YLPM1: variants seen among roughly 807,000 people sequenced by gnomAD.
YLPM1 encodes YLP motif-containing protein 1.
A neutral mutation model predicts 230.0 loss-of-function variants in YLPM1; 99 were observed. The ratio of observed to expected loss-of-function variants is 0.43; its 90% CI spans 0.37 to 0.51. YLPM1 has a LOEUF of 0.51. Ranked by LOEUF, YLPM1 falls within the 20% of genes least tolerant of loss-of-function variation. YLPM1 has a pLI of 0.00. For missense variants in YLPM1, 2,592 were observed against 2,707.7 expected (o/e 0.96, Z 0.95); for synonymous variants, 984 against 942.5 (o/e 1.04, Z -0.81).
At chr14:74,827,727 T>C in intron 18 of YLPM1, 1 of 985,458 alleles carries the variant, frequency 1.0e-6, no homozygotes, top group Non-Finnish European at 1.2e-6. Flanking sequence ...CTGTCTCTTC[T>C]GGTAATACTG....
intron 4 of YLPM1, among the ~76,000 whole-genome samples, chr14:74,789,059 A>G (rs1594819402): frequency 1.3e-5 from 2 of 152,314 alleles, no homozygotes; most frequent in South Asian, 4.1e-4. Flanking sequence ...TGACTTCATC[A>G]TAAATTCAAT....
chr14:74,782,187 C>T lies in YLPM1; in HGVS notation c.2144C>T (p.Ser715Leu), dbSNP rs756376559. The change falls in exon 4 of 21, where the codon TCA becomes TTA. Residue 715 changes from serine to leucine, a missense_variant. Transcript: ENST00000325680. ...TCTGCTCTGCCATACAGTTCATTCTCATCTGATCAAGGACTTGGGGAGTCT... is the reference window on the plus strand; with the variant it reads ...TCTGCTCTGCCATACAGTTCATTCTTATCTGATCAAGGACTTGGGGAGTCT... The part of the protein sequence containing the change: ...SKSALPYSSF[S>L]SDQGLGESSA... 5.6e-6 allele frequency: 9 copies of T among 1,609,570 alleles called. No individual in the cohort carries two copies. The highest frequency in any genetic ancestry group is 5.0e-5 in the Admixed American group (3 of 60,002).
At chr14:74,832,840 AT>A (rs1007578820) in intron 19 of YLPM1, among the ~76,000 whole-genome samples, 1 of 152,006 alleles carries the variant, frequency 6.6e-6, no homozygotes, top group Non-Finnish European at 1.5e-5. Context: ...ACACCTACAC[AT>A]TTTTTCTTCT....
At chr14:74,777,339 G>A (rs537145334) in intron 1 of YLPM1, among the ~76,000 whole-genome samples, 16 of 152,006 alleles carry the variant, frequency 1.1e-4, no homozygotes, top group East Asian at 5.8e-4. Context: ...GCCGAGGCTC[G>A]TGGATCACCT....
intron 5 of YLPM1, among the ~76,000 whole-genome samples, chr14:74,801,971 C>CT: frequency 6.6e-6 from 1 of 151,836 alleles, no homozygotes; most frequent in East Asian, 1.9e-4. Flanking sequence ...AATCCTAGCA[C>CT]TTTGGGAAGC....
chr14:74,771,321 G>C (rs1430432452), intron 1 of YLPM1, among the ~76,000 whole-genome samples: 1 of 152,186 alleles, frequency 6.6e-6, no homozygotes, highest in Non-Finnish European at 1.5e-5. Context: ...CACAGAAATA[G>C]ATGAAGCCTC....
Position 74,781,850 on chromosome 14 carries a change from C to T in YLPM1, c.1807C>T (p.Pro603Ser). 2 of 1,612,790 alleles carry T rather than the reference C, an allele frequency of 1.2e-6. No homozygotes were observed. Among genetic ancestry groups the T allele is most frequent in the South Asian group, 2.2e-5 (2 of 90,872 alleles). Residue 603 changes from proline to serine, a missense_variant, in exon 4 of 21, where the codon CCA becomes TCA. By Grantham distance (74) the Pro-to-Ser change is moderately conservative. Transcript: ENST00000325680. ...PPSLSSAGPP[P>S]VLPPPSLSST... ...TTCCCTGTCTTCTGCAGGGCCACCA[C>T]CAGTTCTTCCCCCACCATCTCTCTC...
At chr14:74,812,861 T>A (rs1046222869) in intron 11 of YLPM1, 79 bp downstream of exon 11, 3 of 1,475,960 alleles carry the variant, frequency 2.0e-6, no homozygotes, top group Non-Finnish European at 9.0e-7. Flanking sequence ...AAGAATTTCT[T>A]TATTTTTCTG....
chr14:74,818,253 C>T lies in YLPM1; in HGVS notation c.5969C>T (p.Ala1990Val). The change falls in exon 16 of 21, where the codon GCA (alanine) becomes GTA (valine). Residue 1990 changes from alanine (A) to valine (V), a missense_variant. Physicochemically the swap from Ala to Val is moderately conservative, Grantham distance 64 (BLOSUM62 0). This residue lies in a region of YLPM1 where 315 missense variants were observed against 429.3 expected (regional missense o/e 0.73). Transcript: ENST00000325680. ...TAGATGGCTGATCACTGGGAAACTG[C>T]ACCTCGTCACATGATGCGTCTAGAT... is the stretch of plus-strand genomic sequence containing the variant. ...INKMADHWET[A>V]PRHMMRLDIR... 1 of 1,603,590 alleles carries T rather than the reference C, an allele frequency of 6.2e-7. No individual in the cohort carries two copies. The highest frequency in any genetic ancestry group is 1.1e-5 in the South Asian group (1 of 88,648).
intron 18 of YLPM1, among the ~76,000 whole-genome samples, chr14:74,826,247 A>G (rs1435271553): frequency 6.6e-6 from 1 of 152,170 alleles, no homozygotes; most frequent in East Asian, 1.9e-4. Flanking sequence ...TGCATTCTTG[A>G]AAGTGCTTAG....
At position 74,766,452 on chromosome 14, in the gene YLPM1, T is replaced by C. The variant is rs371149968; in HGVS notation, c.873+2090T>C. On this transcript the variant is annotated intron_variant, in intron 1 of 20. Transcript: ENST00000325680. ...TTCAACAGCTATCAAGATTTTGCCA[T>C]GTTTACTTCACCTAGGCCTTTTTTA... is the stretch of plus-strand genomic sequence containing the variant. 2.6e-5 allele frequency among the ~76,000 whole-genome samples: 4 copies of C among 152,232 alleles called. 1 individual carries two copies. Among genetic ancestry groups the C allele is most frequent in the South Asian group, 2.1e-4 (1 of 4,830 alleles).
chr14:74,806,418 T>G (rs2091378937), intron 6 of YLPM1, among the ~76,000 whole-genome samples: 1 of 151,988 alleles, frequency 6.6e-6, no homozygotes, highest in Non-Finnish European at 1.5e-5. Flanking sequence ...AACCCTCGCC[T>G]CTACTAAAAA....
rs1370814853 is a variant in YLPM1, at chr14:74,764,098, C to A, written c.609C>A (p.Pro203=). The change falls in exon 1 of 21, where the codon CCC becomes CCA. Residue 203 remains proline, a synonymous_variant. Transcript: ENST00000325680. The part of the protein sequence containing the change: ...QSPPSQSYLA[P]TPSYSSSSSS... The stretch of plus-strand genomic sequence containing the variant: ...CACCTTCCCAATCCTACCTGGCGCC[C>A]ACCCCTTCTTACTCATCCTCCTCCT... The A allele has an allele frequency of 6.2e-7, 1 of 1,613,436 alleles. No individual in the cohort carries two copies. The highest frequency in any genetic ancestry group is 2.2e-5 in the East Asian group (1 of 44,844).
intron 1 of YLPM1, among the ~76,000 whole-genome samples, chr14:74,774,456 A>G (rs1326086769): frequency 1.3e-5 from 2 of 151,500 alleles, no homozygotes; most frequent in African/African-American, 4.9e-5. Flanking sequence ...CCCAGGCTGG[A>G]GTGCAGTGGC....
At chr14:74,765,448 A>G (rs921527908) in intron 1 of YLPM1, among the ~76,000 whole-genome samples, 2 of 152,236 alleles carry the variant, frequency 1.3e-5, no homozygotes, top group Non-Finnish European at 2.9e-5. Flanking sequence ...GATGCTTGGC[A>G]CATCTTCTGG....
rs780560557 is a variant in YLPM1 at position 74,782,027 on chromosome 14, G to A, written c.1984G>A (p.Val662Ile). 3 of 1,613,994 alleles carry A rather than the reference G, an allele frequency of 1.9e-6. No individual in the cohort carries two copies. ...AGCCTCCAGTTCACAGAGCTCGCAA[G>A]TTCCAGAGAAACCTAGACCAGCACT... ...PPASSSQSSQ[V>I]PEKPRPALLP... The change falls in exon 4 of 21, where the codon GTT becomes ATT. Residue 662 changes from valine (V) to isoleucine (I), a missense_variant. Transcript: ENST00000325680.
intron 17 of YLPM1, chr14:74,821,355 C>A: frequency 1.8e-6 from 1 of 558,174 alleles, no homozygotes; most frequent in Non-Finnish European, 2.8e-6. Context: ...TAACAGAGTG[C>A]TAAGAAACTT....
At chr14:74,769,354 C>T (rs2090950808) in intron 1 of YLPM1, among the ~76,000 whole-genome samples, 1 of 139,566 alleles carries the variant, frequency 7.2e-6, no homozygotes, top group African/African-American at 2.5e-5. Context: ...CTCACTGCAA[C>T]CTCTGCCTCC....
At chr14:74,788,117 C>CTTTT (rs55982413) in intron 4 of YLPM1, among the ~76,000 whole-genome samples, 4 of 148,838 alleles carry the variant, frequency 2.7e-5, no homozygotes, top group Non-Finnish European at 4.5e-5. Context: ...GTCACATACC[C>CTTTT]TTTTTTTTTT....
Sources: gnomAD v4.1 joint callset for allele counts (sites outside exome capture counted in the v4.1 genomes callset) on GRCh38, gnomAD v4.1.1 for gene constraint, gnomAD v4.1.1 regional missense constraint, MANE v1.5 for transcripts, NCBI Gene and HGNC (gene_info 2026-07-23, HGNC 2026-07-21) for gene names.